Variants in CSMD3 observed in about 807,000 individuals in gnomAD.
CSMD3 encodes the protein CUB and sushi domain-containing protein 3.
CSMD3 carries 177 observed loss-of-function variants against 435.2 expected under a neutral mutation model. The observed-to-expected ratio is 0.41, with a 90% confidence interval of 0.36 to 0.46. The LOEUF (loss-of-function observed/expected upper bound fraction) is 0.46. CSMD3 is among the 20% of genes least tolerant of loss of function. CSMD3 has a pLI of 0.34. For synonymous variants in CSMD3, 1,656 were observed against 1,520.5 expected, an observed-to-expected ratio of 1.09 and a Z score of -2.07; for missense variants, 4,265 against 4,504.6, an observed-to-expected ratio of 0.95 and a Z score of 1.52.
chr8:112,413,989 T>C (rs12681572), intron 32 of CSMD3, among the ~76,000 whole-genome samples: 28,501 of 152,110 alleles, frequency 0.19, 3,232 homozygotes, highest in Middle Eastern at 0.36. Flanking sequence ...TGGTTTGCTT[T>C]CACCAACAGT....
chr8:112,375,749 G>A (rs1828882783), intron 38 of CSMD3, among the ~76,000 whole-genome samples: 1 of 152,036 alleles, frequency 6.6e-6, no homozygotes, highest in Admixed American at 6.5e-5. Flanking sequence ...TCTTTTTAAA[G>A]TTTCATCAAT....
intron 30 of CSMD3, among the ~76,000 whole-genome samples, chr8:112,498,168 T>C (rs1821565911): frequency 6.6e-6 from 1 of 152,160 alleles, no homozygotes; most frequent in Admixed American, 6.5e-5. Flanking sequence ...TTCAATTTTT[T>C]GCTTTGTAAA....
At chr8:112,529,995 G>A (rs985608564) in intron 27 of CSMD3, among the ~76,000 whole-genome samples, 3 of 151,836 alleles carry the variant, frequency 2.0e-5, no homozygotes, top group East Asian at 1.9e-4. Flanking sequence ...GAAATCATGC[G>A]GCTGAAGAAC....
intron 3 of CSMD3, among the ~76,000 whole-genome samples, chr8:113,270,985 T>TAA (rs3048870): frequency 0.56 from 83,439 of 148,108 alleles, 24,923 homozygotes; most frequent in East Asian, 0.81. Context: ...TCAAAAAGCA[T>TAA]AAAAAAAAAA....
chr8:112,986,843 T>A (rs2085272758), intron 6 of CSMD3, among the ~76,000 whole-genome samples: 1 of 152,062 alleles, frequency 6.6e-6, no homozygotes, highest in Non-Finnish European at 1.5e-5. Context: ...TGTTAGTCTT[T>A]TTTTATTCAG....
chr8:112,299,544 CTAATTGT>C (rs923084018), intron 53 of CSMD3, among the ~76,000 whole-genome samples: 3 of 152,002 alleles, frequency 2.0e-5, no homozygotes, highest in Non-Finnish European at 2.9e-5. Flanking sequence ...GAAAAAAATG[CTAATTGT>C]AGAATTAGGT....
chr8:112,934,834 A>G (rs1038397480), intron 9 of CSMD3, among the ~76,000 whole-genome samples: 1 of 152,148 alleles, frequency 6.6e-6, no homozygotes, highest in Non-Finnish European at 1.5e-5. Context: ...CTAGATGTAT[A>G]GTGTGCAAAT....
At chr8:112,929,377 TAA>T (rs201553763) in intron 9 of CSMD3, among the ~76,000 whole-genome samples, 8,318 of 123,992 alleles carry the variant, frequency 0.067, 249 homozygotes, top group Non-Finnish European at 0.074. Flanking sequence ...TAAAGCATAA[TAA>T]AAAAAAAATT....
At chr8:113,255,381 T>G (rs746455681) in intron 3 of CSMD3, among the ~76,000 whole-genome samples, 14 of 152,072 alleles carry the variant, frequency 9.2e-5, no homozygotes, top group Non-Finnish European at 1.3e-4. Flanking sequence ...TTTGCTGTAC[T>G]GAAAATTAAA....
chr8:113,345,965 T>C (rs934149724), intron 1 of CSMD3, among the ~76,000 whole-genome samples: 1 of 151,926 alleles, frequency 6.6e-6, no homozygotes, highest in African/African-American at 2.4e-5. Flanking sequence ...CTCCCAAGTC[T>C]ATCTCTATTG....
intron 13 of CSMD3, among the ~76,000 whole-genome samples, chr8:112,738,671 C>T (rs1016919852): frequency 6.6e-6 from 1 of 151,512 alleles, no homozygotes; most frequent in African/African-American, 2.4e-5. Flanking sequence ...TTGTAATGCA[C>T]CTAATAAAAT....
intron 67 of CSMD3, 83 bp from the exon 68 acceptor site, chr8:112,234,560 AT>A: frequency 1.2e-6 from 1 of 807,422 alleles, no homozygotes. Flanking sequence ...CCTTAAATAG[AT>A]TATGTAAGAT....
At chr8:113,380,741 G>T (rs1262385917) in intron 1 of CSMD3, among the ~76,000 whole-genome samples, 1 of 152,074 alleles carries the variant, frequency 6.6e-6, no homozygotes, top group Admixed American at 6.6e-5. Flanking sequence ...TTTGACTTAT[G>T]TCGTCACCAA....
chr8:112,494,135 G>T (rs997653473), intron 30 of CSMD3, among the ~76,000 whole-genome samples: 8 of 152,148 alleles, frequency 5.3e-5, no homozygotes, highest in South Asian at 2.1e-4. Flanking sequence ...AAGAAATAAT[G>T]AGAAATCTGT....
chr8:112,388,252 A>T (rs1830131655), intron 36 of CSMD3, among the ~76,000 whole-genome samples: 1 of 152,134 alleles, frequency 6.6e-6, no homozygotes. Flanking sequence ...GTGTCAAAAG[A>T]GATAAGGAGA....
intron 5 of CSMD3, among the ~76,000 whole-genome samples, chr8:113,055,435 T>C (rs1054412822): frequency 2.6e-5 from 4 of 152,310 alleles, no homozygotes; most frequent in Non-Finnish European, 4.4e-5. Context: ...TTTGAGTCCA[T>C]TGTCCTGAGA....
chr8:112,258,956 G>T (rs938240178), intron 61 of CSMD3, among the ~76,000 whole-genome samples: 1 of 151,890 alleles, frequency 6.6e-6, no homozygotes, highest in African/African-American at 2.4e-5. Flanking sequence ...GGAGAATGGC[G>T]AGAACCCGGG....
intron 1 of CSMD3, among the ~76,000 whole-genome samples, chr8:113,385,575 T>C (rs900479917): frequency 6.6e-6 from 1 of 152,086 alleles, no homozygotes; most frequent in Non-Finnish European, 1.5e-5. Flanking sequence ...TTGACTAACA[T>C]TTTTTGGCAT....
intron 3 of CSMD3, among the ~76,000 whole-genome samples, chr8:113,196,185 A>AT (rs1274652775): frequency 4.0e-5 from 6 of 150,516 alleles, no homozygotes; most frequent in African/African-American, 9.7e-5. Context: ...TACTCCTCTT[A>AT]TTTTTTTCTT....
Sources: gnomAD v4.1 joint callset for allele counts (sites outside exome capture counted in the v4.1 genomes callset) on GRCh38, gnomAD v4.1.1 for gene constraint, MANE v1.5 for transcripts, NCBI Gene and HGNC (gene_info 2026-07-23, HGNC 2026-07-21) for gene names.